Variants in EPSTI1 observed in about 807,000 individuals in gnomAD.
The protein encoded by EPSTI1 is epithelial stromal interaction 1, also known as epithelial-stromal interaction protein 1.
Under a neutral mutation model 49.9 loss-of-function variants are expected in EPSTI1, and 66 were observed. The observed-to-expected ratio is 1.32, with a 90% confidence interval of 1.08 to 1.62. The LOEUF (loss-of-function observed/expected upper bound fraction) is 1.62, where lower values mean the gene tolerates loss of function less well. Among genes scored for constraint, EPSTI1 ranks in the 40% most tolerant of loss-of-function variants. The probability of loss-of-function intolerance (pLI) is 0.00; values close to 1 mark genes in which losing one functional copy is unlikely to be tolerated. For missense variants in EPSTI1, 394 were observed against 365.5 expected, an observed-to-expected ratio of 1.08 and a Z score of -0.64; for synonymous variants, 137 against 130.7, an observed-to-expected ratio of 1.05 and a Z score of -0.33.
intron 6 of EPSTI1, among the ~76,000 whole-genome samples, chr13:42,944,123 G>T (rs570985653): frequency 2.0e-5 from 3 of 152,266 alleles, no homozygotes; most frequent in Non-Finnish European, 2.9e-5. Flanking sequence ...ATTCCTCAAG[G>T]ATCTAGAAAC....
chr13:42,958,405 A>C (rs980456288), intron 5 of EPSTI1, among the ~76,000 whole-genome samples: 10 of 152,194 alleles, frequency 6.6e-5, no homozygotes, highest in Non-Finnish European at 1.3e-4. Flanking sequence ...TTAAGGTGAG[A>C]GATTTGAGTA....
In EPSTI1 at chr13:42,917,643, A is replaced by AG. The variant is rs1452150933; in HGVS notation, c.658-20_658-19insC. On this transcript the variant is annotated intron_variant, in intron 7 of 10. Transcript: ENST00000313624. ...TTCTGGCCTGTAAAGGTACAAAGAG[A>AG]AAAAAAAAAAAAAAAACAACTTGAT... 4.2e-6 allele frequency: 5 copies of AG among 1,193,202 alleles called. No homozygotes were observed. The highest frequency in any genetic ancestry group is 2.1e-4 in the Middle Eastern group (1 of 4,674). 73.9% of individuals were successfully genotyped at this position (1,193,202 alleles called of 1,614,324 possible).
At chr13:42,931,250 CTGCGGACTGCAGTGGCGCAA>C (rs541364069) in intron 6 of EPSTI1, among the ~76,000 whole-genome samples, 215 of 142,308 alleles carry the variant, frequency 1.5e-3, no homozygotes, top group African/African-American at 5.3e-3. Flanking sequence ...CCAGGCCGGA[CTGCGGACTGCAGTGGCGCAA>C]TCTCGGCTCA....
intron 6 of EPSTI1, among the ~76,000 whole-genome samples, chr13:42,935,397 C>G (rs1487573838): frequency 6.6e-6 from 1 of 152,194 alleles, no homozygotes; most frequent in Non-Finnish European, 1.5e-5. Context: ...TAGATCAAGT[C>G]AACCATCTGC....
At chr13:42,968,919 A>ATACACACACACACACAC (rs1555268585) in intron 3 of EPSTI1, among the ~76,000 whole-genome samples, 175 bp downstream of exon 3, 2 of 54,414 alleles carry the variant, frequency 3.7e-5, no homozygotes, top group African/African-American at 1.3e-4. Flanking sequence ...AAAAAAAAAA[A>ATACACACACACACACAC]ATACACACAC....
intron 1 of EPSTI1, among the ~76,000 whole-genome samples, chr13:42,974,512 A>G (rs975626952): frequency 2.0e-5 from 3 of 150,128 alleles, no homozygotes; most frequent in Non-Finnish European, 4.5e-5. Flanking sequence ...AAAAAAAATT[A>G]GCCGGGCGTG....
chr13:42,975,215 C>T (rs908828108), intron 1 of EPSTI1, among the ~76,000 whole-genome samples: 1 of 152,122 alleles, frequency 6.6e-6, no homozygotes, highest in Non-Finnish European at 1.5e-5. Context: ...ATTTAGGTTT[C>T]CAAAAGTTTG....
intron 1 of EPSTI1, among the ~76,000 whole-genome samples, chr13:42,971,013 G>A (rs1403542871): frequency 6.6e-6 from 1 of 152,192 alleles, no homozygotes; most frequent in Non-Finnish European, 1.5e-5. Context: ...TCTTCTGTGT[G>A]ACCACACCGG....
At chr13:42,927,012 C>CACAA (rs145600515) in intron 6 of EPSTI1, among the ~76,000 whole-genome samples, 2,600 of 151,726 alleles carry the variant, frequency 0.017, 60 homozygotes, top group South Asian at 0.097. Flanking sequence ...CACACACACA[C>CACAA]ACACACACAC....
At chr13:42,938,767 T>C (rs1180919203) in intron 6 of EPSTI1, among the ~76,000 whole-genome samples, 1 of 151,568 alleles carries the variant, frequency 6.6e-6, no homozygotes, top group Non-Finnish European at 1.5e-5. Flanking sequence ...TACAAGAAAT[T>C]GGCCAGGCAT....
intron 8 of EPSTI1, among the ~76,000 whole-genome samples, chr13:42,908,570 T>G (rs1003667930): frequency 2.0e-5 from 3 of 150,812 alleles, no homozygotes; most frequent in African/African-American, 7.3e-5. Context: ...GGATAAGACT[T>G]TAAAAGGACA....
At chr13:42,987,246 G>A (rs1415341510) in intron 1 of EPSTI1, among the ~76,000 whole-genome samples, 1 of 152,014 alleles carries the variant, frequency 6.6e-6, no homozygotes, top group East Asian at 1.9e-4. Context: ...CCCTTAATTT[G>A]TGGGGTCCAC....
chr13:42,903,229 A>C (rs2037410107), intron 8 of EPSTI1, among the ~76,000 whole-genome samples: 1 of 149,636 alleles, frequency 6.7e-6, no homozygotes, highest in Non-Finnish European at 1.5e-5. Context: ...TAAAATTTTT[A>C]AGATAATTTT....
chr13:42,893,663 G>A (rs1431540476), intron 10 of EPSTI1, among the ~76,000 whole-genome samples: 1 of 152,162 alleles, frequency 6.6e-6, no homozygotes, highest in Non-Finnish European at 1.5e-5. Context: ...AGAAGCCTAT[G>A]CAATATCCAT....
intron 10 of EPSTI1, among the ~76,000 whole-genome samples, chr13:42,894,695 G>A (rs9525702): frequency 0.18 from 24,166 of 132,390 alleles, 2,061 homozygotes; most frequent in African/African-American, 0.22. Flanking sequence ...AAAAAAAAAC[G>A]TTCATTTGTT....
intron 8 of EPSTI1, among the ~76,000 whole-genome samples, chr13:42,913,346 AT>A (rs1456837451): frequency 1.3e-5 from 2 of 152,220 alleles, no homozygotes; most frequent in East Asian, 3.8e-4. Flanking sequence ...TTAAAATTAA[AT>A]GATTAAAGAA....
intron 6 of EPSTI1, among the ~76,000 whole-genome samples, chr13:42,948,491 T>G (rs1354484522): frequency 1.3e-5 from 2 of 150,060 alleles, no homozygotes; most frequent in Non-Finnish European, 3.0e-5. Context: ...TTTTTTTCGG[T>G]GAGACAAGGT....
At chr13:42,910,257 CTTTTTTTT>C (rs71099807) in intron 8 of EPSTI1, among the ~76,000 whole-genome samples, 3 of 97,668 alleles carry the variant, frequency 3.1e-5, no homozygotes, top group South Asian at 3.9e-4. Flanking sequence ...TTAACCAAAT[CTTTTTTTT>C]TTTTTTTTTT....
rs1165608523 is a variant in EPSTI1, at chr13:42,922,934, T to C, written c.657+3402A>G. ...GGTCTGCAGTGGGGCCTGAGATTGATCTGCATCTAAATCTTTGCTCCTGAT... is the reference window on the plus strand; with the variant it reads ...GGTCTGCAGTGGGGCCTGAGATTGACCTGCATCTAAATCTTTGCTCCTGAT... On this transcript the variant is annotated intron_variant, in intron 7 of 10. Coordinates refer to ENST00000313624, the MANE Select transcript of EPSTI1 (RefSeq NM_033255.5). The surrounding 1 kb of genome is among the most constrained non-coding windows in gnomAD (Gnocchi z 4.8). 6.6e-6 allele frequency among the ~76,000 whole-genome samples: 1 copy of C among 152,192 alleles called. No individual in the cohort carries two copies. The highest frequency in any genetic ancestry group is 1.5e-5 in the Non-Finnish European group (1 of 68,022).
Sources: allele counts gnomAD v4.1 joint callset (sites outside exome capture counted in the v4.1 genomes callset), GRCh38; gene constraint gnomAD v4.1.1; non-coding constraint Gnocchi (gnomAD v3.1); transcripts MANE v1.5; gene names NCBI Gene and HGNC (gene_info 2026-07-23, HGNC 2026-07-21).